EPC2: variants seen among roughly 807,000 people sequenced by gnomAD.
The protein encoded by EPC2 is enhancer of polycomb homolog 2.
In EPC2, 14 loss-of-function variants were observed where a neutral mutation model predicts 92.1. The ratio of observed to expected loss-of-function variants is 0.15; its 90% CI spans 0.10 to 0.24. The LOEUF (loss-of-function observed/expected upper bound fraction) is 0.24. Ranked by LOEUF, EPC2 falls within the 10% of genes least tolerant of loss-of-function variation. The pLI is 1.00. For synonymous variants in EPC2, 340 were observed against 334.7 expected (o/e 1.02, Z -0.17); for missense variants, 755 against 971.5 (o/e 0.78, Z 2.96).
At position 148,743,509 on chromosome 2, in the gene EPC2, C is replaced by G. The variant is rs1029374242; in HGVS notation, c.314-113C>G. The G allele has an allele frequency of 2.4e-5, 17 of 709,564 alleles. No individual in the cohort carries two copies. In the African/African-American group the frequency reaches 3.2e-4, roughly 13 times the overall value. The allele number at this position is 709,564 out of a possible 1,614,324, so 44.0% of individuals were successfully genotyped here. On this transcript the variant is annotated intron_variant, in intron 2 of 13. Coordinates refer to ENST00000258484, the MANE Select transcript of EPC2 (RefSeq NM_015630.4). Reference sequence around the variant, plus strand: ...TTAATTGTGGATACCTTCTCCTGAGCTCCCCTTTAGTCAGTGCACTGTAAT... The same window carrying G: ...TTAATTGTGGATACCTTCTCCTGAGGTCCCCTTTAGTCAGTGCACTGTAAT...
Position 148,741,745 on chromosome 2 carries a change from T to A in EPC2, c.314-1877T>A, listed in dbSNP as rs73005644. ...CAACACATAATTTGTGGCACTTTAG[T>A]TTTTTTACCCTTTATAGTTTAATAA... On this transcript the variant is annotated intron_variant, in intron 2 of 13. Transcript: ENST00000258484. 9.7e-3 allele frequency among the ~76,000 whole-genome samples: 1,475 copies of A among 152,280 alleles called. 23 individuals carry two copies. The highest frequency in any genetic ancestry group is 0.033 in the African/African-American group (1,384 of 41,546).
rs1165228313 is a variant in EPC2, at chr2:148,712,626, A to G, written c.313+22253A>G. Among the ~76,000 whole-genome samples, 3 of 152,296 alleles carry G rather than the reference A, an allele frequency of 2.0e-5. No individual in the cohort carries two copies. The East Asian group carries it at 5.8e-4, about 29-fold the overall frequency. ...ACATACAGGCCAGGTGTGGTGGCTC[A>G]CGCCTGTAATCCCAATACTTTGGGA... is the stretch of plus-strand genomic sequence containing the variant. On this transcript the variant is annotated intron_variant, in intron 2 of 13. Transcript: ENST00000258484.
chr2:148,653,705 T>C (rs910246093), intron 1 of EPC2, among the ~76,000 whole-genome samples: 33 of 141,402 alleles, frequency 2.3e-4, no homozygotes, highest in Middle Eastern at 3.6e-3. Flanking sequence ...GCTTGCTTGC[T>C]TTTTTTTTTT....
intron 11 of EPC2, 91 bp from the exon 12 acceptor site, chr2:148,783,506 A>G (rs1185455358): frequency 8.2e-7 from 1 of 1,217,260 alleles, no homozygotes; most frequent in Non-Finnish European, 1.1e-6. Flanking sequence ...AAGGTTAGAA[A>G]GGCAACAGCC....
intron 1 of EPC2, among the ~76,000 whole-genome samples, chr2:148,651,465 T>C (rs1223780272): frequency 2.6e-5 from 4 of 152,088 alleles, no homozygotes; most frequent in Middle Eastern, 3.4e-3. Context: ...AAATATTTGG[T>C]GAATGAAGGA....
intron 2 of EPC2, among the ~76,000 whole-genome samples, chr2:148,741,618 A>G (rs988438535): frequency 6.6e-5 from 10 of 152,274 alleles, no homozygotes; most frequent in Admixed American, 3.9e-4. Flanking sequence ...TGAATGTAGG[A>G]TATTCATTTA....
chr2:148,781,551 CTTAA>C, intron 10 of EPC2, 89 bp from the exon 11 acceptor site: 1 of 1,184,256 alleles, frequency 8.4e-7, no homozygotes, highest in Non-Finnish European at 1.2e-6. Flanking sequence ...TTGCTTTCAT[CTTAA>C]TTGTGGAATA....
intron 1 of EPC2, among the ~76,000 whole-genome samples, chr2:148,671,428 A>G (rs960810373): frequency 5.1e-4 from 77 of 152,138 alleles, no homozygotes; most frequent in African/African-American, 1.7e-3. Context: ...GGCCTGGCCA[A>G]CATGGTGAAA....
chr2:148,741,165 A>G (rs1252409244), intron 2 of EPC2, among the ~76,000 whole-genome samples: 1 of 152,180 alleles, frequency 6.6e-6, no homozygotes, highest in Non-Finnish European at 1.5e-5. Flanking sequence ...AACTCCTCTG[A>G]TTTAACTTTA....
chr2:148,666,536 A>G (rs1319236951), intron 1 of EPC2, among the ~76,000 whole-genome samples: 1 of 152,246 alleles, frequency 6.6e-6, no homozygotes, highest in African/African-American at 2.4e-5. Context: ...GATATAGAAA[A>G]TACAAGTTCA....
intron 2 of EPC2, among the ~76,000 whole-genome samples, chr2:148,727,020 G>A (rs13410090): frequency 6.6e-6 from 1 of 151,914 alleles, no homozygotes; most frequent in Non-Finnish European, 1.5e-5. Flanking sequence ...ATGTCATGAA[G>A]TCTTTCTTCC....
chr2:148,663,886 C>T (rs1396531067), intron 1 of EPC2, among the ~76,000 whole-genome samples: 1 of 152,156 alleles, frequency 6.6e-6, no homozygotes, highest in Admixed American at 6.5e-5. Context: ...CAATCTAATG[C>T]TGCCACTGAT....
intron 3 of EPC2, among the ~76,000 whole-genome samples, chr2:148,751,538 G>A (rs753893673): frequency 6.6e-6 from 1 of 152,044 alleles, no homozygotes; most frequent in Non-Finnish European, 1.5e-5. Flanking sequence ...TTTTTTTAGA[G>A]TTAGGGGGTC....
chr2:148,671,287 ATTTTTT>A (rs60048357), intron 1 of EPC2, among the ~76,000 whole-genome samples: 132 of 127,108 alleles, frequency 1.0e-3, no homozygotes, highest in African/African-American at 3.5e-3. Flanking sequence ...GTGGATTGTG[ATTTTTT>A]TTTTTTTTTT....
At chr2:148,754,375 T>G (rs1478292301) in intron 4 of EPC2, among the ~76,000 whole-genome samples, 2 of 152,202 alleles carry the variant, frequency 1.3e-5, no homozygotes, top group Non-Finnish European at 2.9e-5. Context: ...GCTGTTTATC[T>G]GCTACCTATG....
At chr2:148,705,643 AGCAATATTTGTTGTTCT>A (rs1311154094) in intron 2 of EPC2, among the ~76,000 whole-genome samples, 3 of 152,224 alleles carry the variant, frequency 2.0e-5, no homozygotes, top group Admixed American at 6.5e-5. Flanking sequence ...AGGATTAGGC[AGCAATATTTGTTGTTCT>A]GCAATATTTG....
At chr2:148,747,700 G>T (rs1683011974) in intron 3 of EPC2, among the ~76,000 whole-genome samples, 1 of 152,126 alleles carries the variant, frequency 6.6e-6, no homozygotes, top group Non-Finnish European at 1.5e-5. Context: ...TGTCCCTGCA[G>T]TATTGAATGA....
At chr2:148,727,429 A>G (rs1411011374) in intron 2 of EPC2, among the ~76,000 whole-genome samples, 2 of 152,206 alleles carry the variant, frequency 1.3e-5, no homozygotes, top group Middle Eastern at 3.2e-3. Context: ...CTTCCTTACT[A>G]ACATTAGAAC....
At chr2:148,742,760 AAC>A (rs1369103032) in intron 2 of EPC2, among the ~76,000 whole-genome samples, 1 of 150,008 alleles carries the variant, frequency 6.7e-6, no homozygotes, top group Non-Finnish European at 1.5e-5. Flanking sequence ...TAGCCTGGGC[AAC>A]AGACAAAATG....
Sources: gnomAD v4.1 joint callset for allele counts (sites outside exome capture counted in the v4.1 genomes callset) on GRCh38, gnomAD v4.1.1 for gene constraint, MANE v1.5 for transcripts, NCBI Gene and HGNC (gene_info 2026-07-23, HGNC 2026-07-21) for gene names.